Variants in KIAA1671 observed in about 807,000 individuals in gnomAD.
KIAA1671 encodes the protein uncharacterized protein KIAA1671.
In KIAA1671, 52 loss-of-function variants were observed where a neutral mutation model predicts 131.2. That is an observed-to-expected ratio of 0.40 (90% confidence interval 0.32 to 0.50). The LOEUF (loss-of-function observed/expected upper bound fraction) is 0.50. Ranked by LOEUF, KIAA1671 falls within the 20% of genes least tolerant of loss-of-function variation. The pLI, the probability that KIAA1671 is intolerant of heterozygous loss-of-function variation, is 0.73. For missense variants in KIAA1671, 2,360 were observed against 2,364.2 expected (o/e 1.00, Z 0.04); for synonymous variants, 1,003 against 961.6 (o/e 1.04, Z -0.80).
At chr22:24,981,782 C>T (rs1173048823) in intron 1 of KIAA1671, among the ~76,000 whole-genome samples, 1 of 152,196 alleles carries the variant, frequency 6.6e-6, no homozygotes, top group Non-Finnish European at 1.5e-5. Flanking sequence ...ATGGCATGCT[C>T]CTCTAGTTCC....
chr22:25,024,715 T>C (rs1322140248), intron 1 of KIAA1671: 2 of 152,228 alleles, frequency 1.3e-5, no homozygotes, highest in African/African-American at 2.4e-5. Flanking sequence ...AGCAATGATT[T>C]ATTTCTCTAT....
chr22:25,021,722 T>A (rs2123892196), intron 1 of KIAA1671, among the ~76,000 whole-genome samples: 1 of 152,226 alleles, frequency 6.6e-6, no homozygotes, highest in Non-Finnish European at 1.5e-5. Context: ...AGGACAGACC[T>A]CCTGTGCACA....
rs973261086 is a variant in KIAA1671, at chr22:25,039,307, C to T, written c.2177C>T (p.Ser726Leu). 8.6e-5 allele frequency: 133 copies of T among 1,552,040 alleles called. No homozygotes were observed. Among genetic ancestry groups the T allele is most frequent in the Non-Finnish European group, 9.3e-5 (107 of 1,147,100 alleles). ...FLKHLENPPT[S>L]QRIEPRYDIV... ...AAACACTTGGAAAATCCTCCCACAT[C>T]GCAGAGAATTGAGCCCAGATATGAC... The change falls in exon 5 of 13, where the codon TCG becomes TTG. Residue 726 changes from serine (S) to leucine (L), a missense_variant. Physicochemically the swap from Ser to Leu is moderately radical, Grantham distance 145. Around this residue, in one of 3 missense-constraint regions of KIAA1671, gnomAD observed 1,185 missense variants for 1,126.2 expected, o/e 1.05. Coordinates refer to ENST00000358431, the MANE Select transcript of KIAA1671 (RefSeq NM_001145206.2).
rs1341633340 is a variant in KIAA1671 at position 25,093,709 on chromosome 22, A to T, written c.4530+44345A>T. ...CACACACACACACACACACACACAC[A>T]CACACACACACACACACACACACAC... is the stretch of plus-strand genomic sequence containing the variant. On this transcript the variant is annotated intron_variant, in intron 6 of 12. Transcript: ENST00000358431. Among the ~76,000 whole-genome samples, 187 of 115,912 alleles carry T rather than the reference A, an allele frequency of 1.6e-3. 10 individuals are homozygous for T. Among genetic ancestry groups the T allele is most frequent in the African/African-American group, 9.7e-3 (166 of 17,132 alleles). The allele number at this position is 115,912 out of a possible 152,430, so 76.0% of individuals were successfully genotyped here. A position where few individuals can be genotyped will look rare whatever the true frequency, so the allele number is the denominator to read the frequency against.
intron 1 of KIAA1671, among the ~76,000 whole-genome samples, chr22:24,962,127 G>A (rs1922048338): frequency 6.6e-6 from 1 of 152,182 alleles, no homozygotes; most frequent in Admixed American, 6.5e-5. Flanking sequence ...TGCTGGAGCT[G>A]GCTTACAATC....
chr22:25,070,020 C>T (rs913174094), intron 6 of KIAA1671: 16 of 237,788 alleles, frequency 6.7e-5, no homozygotes, highest in Non-Finnish European at 1.0e-4. Flanking sequence ...GCCTTCTTGC[C>T]GTACAACTGA....
At chr22:25,118,625 A>C (rs1429145461) in intron 6 of KIAA1671, among the ~76,000 whole-genome samples, 2 of 151,914 alleles carry the variant, frequency 1.3e-5, no homozygotes, top group Admixed American at 6.5e-5. Context: ...TCAGCCCCCC[A>C]CACACTCCCC....
At chr22:25,048,354 T>G (rs1927357639) in intron 5 of KIAA1671, among the ~76,000 whole-genome samples, 1 of 152,146 alleles carries the variant, frequency 6.6e-6, no homozygotes, top group Admixed American at 6.5e-5. Flanking sequence ...GAGGGAATGA[T>G]GTAGCAAAAG....
intron 6 of KIAA1671, among the ~76,000 whole-genome samples, chr22:25,139,776 A>G (rs1239479203): frequency 6.6e-6 from 1 of 152,220 alleles, no homozygotes; most frequent in African/African-American, 2.4e-5. Context: ...TGAGGAGGGA[A>G]CATAGAAGAA....
chr22:25,003,010 T>A (rs1221514622), intron 1 of KIAA1671, among the ~76,000 whole-genome samples: 1 of 152,184 alleles, frequency 6.6e-6, no homozygotes, highest in Non-Finnish European at 1.5e-5. Context: ...GAGCTCAAAG[T>A]GATCCATCCG....
chr22:25,080,070 G>A (rs918163724), intron 6 of KIAA1671, among the ~76,000 whole-genome samples: 3 of 152,188 alleles, frequency 2.0e-5, no homozygotes, highest in Admixed American at 6.5e-5. Flanking sequence ...GACCCTGAGA[G>A]TTTGCCATCT....
intron 1 of KIAA1671, among the ~76,000 whole-genome samples, chr22:24,972,476 CCATCCATCCATATATG>C (rs772944686): frequency 1.1e-3 from 166 of 152,266 alleles, no homozygotes; most frequent in African/African-American, 2.3e-3. Flanking sequence ...ATGCATCCAT[CCATCCATCCATATATG>C]CATCCATCCA....
intron 5 of KIAA1671, 23 bp from the exon 6 acceptor site, chr22:25,049,206 CT>C: frequency 6.5e-7 from 1 of 1,547,382 alleles, no homozygotes; most frequent in Non-Finnish European, 8.7e-7. Flanking sequence ...CAGTAAAGTC[CT>C]TTTCTTGTGC....
intron 1 of KIAA1671, among the ~76,000 whole-genome samples, chr22:25,007,416 G>C (rs1182338680): frequency 6.6e-6 from 1 of 151,834 alleles, no homozygotes; most frequent in Non-Finnish European, 1.5e-5. Context: ...AACCTGGGAG[G>C]TGGAGGTTGC....
rs1934800147 is a variant in KIAA1671 at position 25,195,614 on chromosome 22, G to C, written c.*3213G>C. On this transcript the variant is annotated 3_prime_UTR_variant, in exon 13 of 13. Transcript: ENST00000358431. ...AAAAGAGAAATAGGCATGAGCCTGTGGTTTTAAACTTTACAGGCTGGGCAA... is the reference window on the plus strand; with the variant it reads ...AAAAGAGAAATAGGCATGAGCCTGTCGTTTTAAACTTTACAGGCTGGGCAA... 6.6e-6 allele frequency: 1 copy of C among 152,136 alleles called. No individual in the cohort carries two copies. Among genetic ancestry groups the C allele is most frequent in the Non-Finnish European group, 1.5e-5 (1 of 68,016 alleles). The allele number at this position is 152,136 out of a possible 1,614,324, so 9.4% of individuals were successfully genotyped here.
At chr22:24,975,179 C>T (rs574392823) in intron 1 of KIAA1671, among the ~76,000 whole-genome samples, 1 of 152,332 alleles carries the variant, frequency 6.6e-6, no homozygotes, top group South Asian at 2.1e-4. Flanking sequence ...AATCTACTTT[C>T]TCTATGGATT....
rs4822558 is a variant in KIAA1671 at position 25,041,413 on chromosome 22, C to A, written c.4283C>A (p.Ala1428Asp). ...GAGGGCCTGTCCATCATGCATGAAG[C>A]CAGAGAGAGGAGGCGAGAGCAGCCC... ...IREGLSIMHEARERRREQPKG... is the reference protein window; with the variant it reads ...IREGLSIMHEDRERRREQPKG... Residue 1428 changes from alanine (A) to aspartate (D), a missense_variant, in exon 5 of 13, where the codon GCC (alanine) becomes GAC (aspartate). By Grantham distance (126) the Ala-to-Asp change is moderately radical. Transcript: ENST00000358431. 7,676 of 1,551,676 alleles carry A rather than the reference C, an allele frequency of 4.9e-3. 644 individuals are homozygous for A. In the Admixed American group the frequency reaches 0.14, roughly 28 times the overall value.
intron 6 of KIAA1671, among the ~76,000 whole-genome samples, chr22:25,078,809 G>A (rs1416420160): frequency 1.3e-5 from 2 of 152,126 alleles, no homozygotes; most frequent in Non-Finnish European, 2.9e-5. Flanking sequence ...TTGGGCCATG[G>A]AACAGTTTGC....
chr22:25,001,949 G>T (rs1924500415), intron 1 of KIAA1671, among the ~76,000 whole-genome samples: 1 of 151,960 alleles, frequency 6.6e-6, no homozygotes, highest in Non-Finnish European at 1.5e-5. Flanking sequence ...ATATAATCAT[G>T]TATGAGTCCA....
Sources: allele counts gnomAD v4.1 joint callset (sites outside exome capture counted in the v4.1 genomes callset), GRCh38; gene constraint gnomAD v4.1.1; regional missense constraint gnomAD v4.1.1; transcripts MANE v1.5; gene names NCBI Gene and HGNC (gene_info 2026-07-23, HGNC 2026-07-21).